USP12: variants seen among roughly 807,000 people sequenced by gnomAD.
USP12 encodes ubiquitin carboxyl-terminal hydrolase 12.
USP12 carries 19 observed loss-of-function variants against 45.5 expected under a neutral mutation model. That is an observed-to-expected ratio of 0.42 (90% CI 0.29 to 0.61). The LOEUF (loss-of-function observed/expected upper bound fraction) is 0.61. Ranked by LOEUF, USP12 falls within the 20% of genes least tolerant of loss-of-function variation. The pLI is 0.22. For missense variants in USP12, 242 were observed against 447.7 expected (o/e 0.54, Z 4.15); for synonymous variants, 149 against 148.8 (o/e 1.00, Z -0.01).
intron 6 of USP12, among the ~76,000 whole-genome samples, chr13:27,078,794 TCTCA>T (rs895506031): frequency 3.9e-5 from 6 of 152,102 alleles, no homozygotes; most frequent in African/African-American, 7.2e-5. Flanking sequence ...AACAGACTTC[TCTCA>T]CTAACAAAAA....
intron 3 of USP12, among the ~76,000 whole-genome samples, chr13:27,097,749 G>A (rs1290456604): frequency 1.3e-5 from 2 of 152,110 alleles, no homozygotes; most frequent in African/African-American, 2.4e-5. Flanking sequence ...ACAACAATAG[G>A]TTTTGTATTC....
chr13:27,096,899 A>G (rs181748202), intron 3 of USP12, among the ~76,000 whole-genome samples: 1 of 152,244 alleles, frequency 6.6e-6, no homozygotes, highest in East Asian at 1.9e-4. Context: ...AAATTTAGGG[A>G]AAGTCTAAGA....
At position 27,095,722 on chromosome 13, in the gene USP12, C is replaced by A. The variant is rs1219525504; in HGVS notation, c.452G>T (p.Gly151Val). Residue 151 changes from glycine (G) to valine (V), a missense_variant, in exon 4 of 9, where the codon GGT becomes GTT. Coordinates refer to ENST00000282344, the MANE Select transcript of USP12 (RefSeq NM_182488.4). Reference sequence around the variant, plus strand: ...ATCAATATTACCATTAGGTAAACGACCATTTTGTTTTTCCTGCTTTCTCTC... The same window carrying A: ...ATCAATATTACCATTAGGTAAACGAACATTTTGTTTTTCCTGCTTTCTCTC... The part of the protein sequence containing the change: ...QEERKQEKQN[G>V]RLPNGNIDNE... The A allele has an allele frequency of 1.2e-6, 2 of 1,612,928 alleles. No individual in the cohort carries two copies. Among genetic ancestry groups the A allele is most frequent in the Non-Finnish European group, 1.7e-6 (2 of 1,179,476 alleles).
Position 27,069,301 on chromosome 13 carries a change from G to C in USP12, c.1095C>G (p.Phe365Leu). 2 of 1,611,862 alleles carry C rather than the reference G, an allele frequency of 1.2e-6. No individual in the cohort carries two copies. The highest frequency in any genetic ancestry group is 8.5e-7 in the Non-Finnish European group (1 of 1,179,578). ...TTCCCTCTCAGTCCCGAGACTGATA[G>C]AAAAGGATGTAACCAGACTCAGAGT... ...SKNSESGYIL[F>L]YQSRD The change falls in exon 9 of 9, where the codon TTC becomes TTG. Residue 365 changes from phenylalanine to leucine, a missense_variant. Physicochemically the swap from Phe to Leu is conservative, Grantham distance 22. Transcript: ENST00000282344.
chr13:27,152,126 C>A (rs73159784), intron 1 of USP12, among the ~76,000 whole-genome samples: 3,124 of 152,270 alleles, frequency 0.021, 47 homozygotes, highest in South Asian at 0.049. Flanking sequence ...AATTCCACTC[C>A]AAAGTACAGA....
intron 6 of USP12, among the ~76,000 whole-genome samples, chr13:27,081,009 A>ATTTTTT (rs372527345): frequency 8.7e-6 from 1 of 114,622 alleles, no homozygotes; most frequent in African/African-American, 3.3e-5. Flanking sequence ...GGCTGAGGCA[A>ATTTTTT]TTTTTTTTTT....
chr13:27,169,244 G>A (rs1390460869), intron 1 of USP12: 2 of 152,142 alleles, frequency 1.3e-5, no homozygotes, highest in African/African-American at 4.8e-5. Context: ...GGGGATGGAG[G>A]GTCGGGTTGG....
intron 3 of USP12, 32 bp from the exon 4 acceptor site, chr13:27,095,862 T>G: frequency 2.0e-6 from 3 of 1,497,008 alleles, no homozygotes; most frequent in Non-Finnish European, 1.8e-6. Flanking sequence ...TAGAGAATTA[T>G]TTCAGAATTC....
rs561369009 is a variant in USP12 at position 27,102,795 on chromosome 13, G to A, written c.343+2936C>T. Among the ~76,000 whole-genome samples the A allele has an allele frequency of 5.3e-3, 801 of 152,262 alleles. 8 individuals are homozygous for A. Among genetic ancestry groups the A allele is most frequent in the African/African-American group, 0.019 (769 of 41,528 alleles). On this transcript the variant is annotated intron_variant, in intron 3 of 8. Coordinates refer to ENST00000282344, the MANE Select transcript of USP12 (RefSeq NM_182488.4). The stretch of plus-strand genomic sequence containing the variant: ...GATGGCTGTCTGCTTCCCCACGAGG[G>A]TGTCAGGTACCTGAAGGCATATTTC...
chr13:27,126,836 A>C (rs546529593), intron 1 of USP12, among the ~76,000 whole-genome samples: 1 of 152,302 alleles, frequency 6.6e-6, no homozygotes, highest in South Asian at 2.1e-4. Context: ...GGCAAACAAG[A>C]CTTGCAACAT....
At chr13:27,116,417 A>G in intron 2 of USP12, 99 bp downstream of exon 2, 1 of 1,089,970 alleles carries the variant, frequency 9.2e-7, no homozygotes, top group Non-Finnish European at 1.3e-6. Flanking sequence ...TTCTATTAAT[A>G]GAAAAGAACA....
At position 27,068,930 on chromosome 13, in the gene USP12, T is replaced by C. The variant is rs1242918500; in HGVS notation, c.*353A>G. The C allele has an allele frequency of 6.7e-6, 2 of 299,836 alleles. No homozygotes were observed. Among genetic ancestry groups the C allele is most frequent in the East Asian group, 1.8e-4 (2 of 11,100 alleles). 18.6% of individuals were successfully genotyped at this position (299,836 alleles called of 1,614,324 possible). A position where few individuals can be genotyped will look rare whatever the true frequency, so the allele number is the denominator to read the frequency against. On this transcript the variant is annotated 3_prime_UTR_variant, in exon 9 of 9. Transcript: ENST00000282344. ...ATCTCCTTATCAATACGGCACAGAT[T>C]CCGATTCTTTCTACTGCACCCCCAA...
chr13:27,163,600 A>C (rs1263200548), intron 1 of USP12, among the ~76,000 whole-genome samples: 1 of 151,334 alleles, frequency 6.6e-6, no homozygotes, highest in Non-Finnish European at 1.5e-5. Flanking sequence ...CTGGTTTTCA[A>C]TCTTCTCATC....
intron 1 of USP12, among the ~76,000 whole-genome samples, chr13:27,149,493 A>G (rs1159759616): frequency 6.6e-6 from 1 of 152,218 alleles, no homozygotes; most frequent in African/African-American, 2.4e-5. Flanking sequence ...AGAATCCACT[A>G]AAAAATTACT....
chr13:27,163,122 GTAATTCAATT>G (rs2137845500), intron 1 of USP12, among the ~76,000 whole-genome samples: 1 of 152,166 alleles, frequency 6.6e-6, no homozygotes, highest in South Asian at 2.1e-4. Context: ...AAAAATCAAT[GTAATTCAATT>G]TACCAGCATA....
At chr13:27,076,737 C>T (rs1873505391) in intron 6 of USP12, among the ~76,000 whole-genome samples, 1 of 151,944 alleles carries the variant, frequency 6.6e-6, no homozygotes, top group Non-Finnish European at 1.5e-5. Flanking sequence ...GCCACTGCCT[C>T]TAATAAGTGA....
intron 1 of USP12, among the ~76,000 whole-genome samples, chr13:27,131,934 C>T (rs976969964): frequency 1.3e-5 from 2 of 152,146 alleles, no homozygotes; most frequent in Non-Finnish European, 2.9e-5. Flanking sequence ...GACACACACA[C>T]TACCTCCCAA....
chr13:27,124,839 T>C (rs532885839), intron 1 of USP12, among the ~76,000 whole-genome samples: 54 of 152,238 alleles, frequency 3.5e-4, no homozygotes, highest in South Asian at 2.1e-4. Context: ...CCCTCATACC[T>C]GTTCTAGAAA....
At chr13:27,103,876 G>A (rs1593185677) in intron 3 of USP12, among the ~76,000 whole-genome samples, 1 of 151,888 alleles carries the variant, frequency 6.6e-6, no homozygotes, top group East Asian at 1.9e-4. Flanking sequence ...AAAGCCATAA[G>A]TATGTAACTG....
Sources: gnomAD v4.1 joint callset for allele counts (sites outside exome capture counted in the v4.1 genomes callset) on GRCh38, gnomAD v4.1.1 for gene constraint, MANE v1.5 for transcripts, NCBI Gene and HGNC (gene_info 2026-07-23, HGNC 2026-07-21) for gene names.